The following SLC22A23 variants were observed in gnomAD, a reference collection of about 807,000 sequenced individuals.
SLC22A23 encodes the protein ion transporter protein.
A neutral mutation model predicts 61.0 loss-of-function variants in SLC22A23; 26 were observed. The ratio of observed to expected loss-of-function variants is 0.43; its 90% CI spans 0.31 to 0.59. The LOEUF is 0.59. Ranked by LOEUF, SLC22A23 falls within the 20% of genes least tolerant of loss-of-function variation. SLC22A23 has a pLI of 0.11. For missense variants in SLC22A23, 796 were observed against 934.7 expected, an observed-to-expected ratio of 0.85 and a Z score of 1.94; for synonymous variants, 430 against 413.9, an observed-to-expected ratio of 1.04 and a Z score of -0.47.
At chr6:3,295,226 A>T (rs1022315246) in intron 5 of SLC22A23, among the ~76,000 whole-genome samples, 2 of 152,180 alleles carry the variant, frequency 1.3e-5, no homozygotes, top group Non-Finnish European at 2.9e-5. Flanking sequence ...GGATGAGGGG[A>T]AGCGGGGAGA....
rs1199263829 is a variant in SLC22A23, at chr6:3,322,343, G to A, written c.1082+1491C>T. Among the ~76,000 whole-genome samples the A allele has an allele frequency of 2.6e-5, 4 of 152,204 alleles. No homozygotes were observed. Among genetic ancestry groups the A allele is most frequent in the African/African-American group, 9.6e-5 (4 of 41,454 alleles). The stretch of plus-strand genomic sequence containing the variant: ...CCCAGCGAAGGCTGCCACAAGGGAG[G>A]GGGCAGAAAGACTTCCTTAGGAGAT... On this transcript the variant is annotated intron_variant, in intron 4 of 9. Transcript: ENST00000406686. This position sits in a 1 kb window ranked among gnomAD's most constrained non-coding sequence, Gnocchi z 4.1.
At chr6:3,298,374 A>G (rs2127355659) in intron 4 of SLC22A23, among the ~76,000 whole-genome samples, 156 bp from the exon 5 acceptor site, 1 of 152,326 alleles carries the variant, frequency 6.6e-6, no homozygotes, top group East Asian at 1.9e-4. Flanking sequence ...GTGGGCACTG[A>G]AACGTTCCCA....
intron 3 of SLC22A23, among the ~76,000 whole-genome samples, chr6:3,398,944 C>T (rs1768195761): frequency 6.6e-6 from 1 of 152,104 alleles, no homozygotes; most frequent in Admixed American, 6.5e-5. Context: ...CGGGAAGATC[C>T]TTTGAGGCCA....
intron 1 of SLC22A23, among the ~76,000 whole-genome samples, chr6:3,417,053 G>A (rs1390749827): frequency 6.6e-6 from 1 of 152,150 alleles, no homozygotes; most frequent in East Asian, 1.9e-4. Context: ...CCTGCCTCAT[G>A]TTTCCAAACT....
chr6:3,342,518 G>A lies in SLC22A23; in HGVS notation c.914-18516C>T, dbSNP rs1764206878. Among the ~76,000 whole-genome samples the A allele has an allele frequency of 6.6e-6, 1 of 152,100 alleles. No individual in the cohort carries two copies. Among genetic ancestry groups the A allele is most frequent in the Admixed American group, 6.5e-5 (1 of 15,272 alleles). ...GAAAACAGTGCTTCTCAAAGGTGGG[G>A]CCTCCTTGACCCACAGCATCAGAGT... On this transcript the variant is annotated intron_variant, in intron 3 of 9. Transcript: ENST00000406686. The surrounding 1 kb of genome is among the most constrained non-coding windows in gnomAD (Gnocchi z 4.0).
intron 1 of SLC22A23, among the ~76,000 whole-genome samples, chr6:3,432,836 G>A (rs963643284): frequency 3.9e-5 from 6 of 152,220 alleles, no homozygotes; most frequent in Non-Finnish European, 7.3e-5. Flanking sequence ...GGCAAATCAG[G>A]AGGCCTGGCC....
chr6:3,378,650 CTTTTTTCTTTT>C (rs1432434109), intron 3 of SLC22A23, among the ~76,000 whole-genome samples: 10 of 79,378 alleles, frequency 1.3e-4, no homozygotes, highest in Non-Finnish European at 2.1e-4. Flanking sequence ...TTTTTCTTTT[CTTTTTTCTTTT>C]TTTTTTTTTT....
intron 6 of SLC22A23, among the ~76,000 whole-genome samples, 158 bp downstream of exon 6, chr6:3,289,606 G>C (rs1760380075): frequency 6.6e-6 from 1 of 152,194 alleles, no homozygotes; most frequent in Non-Finnish European, 1.5e-5. Flanking sequence ...TCCGGGAGCG[G>C]GGGAGGTCAA....
Position 3,280,738 on chromosome 6 carries a change from T to C in SLC22A23, c.1703+3114A>G, listed in dbSNP as rs189452664. 3.9e-5 allele frequency among the ~76,000 whole-genome samples: 6 copies of C among 152,244 alleles called. No homozygotes were observed. In the South Asian group the frequency reaches 6.2e-4, roughly 16 times the overall value. ...CTCTCGATCTCCTGACCTCGTGATCTGCCCGCCTCAGCCTCCCAAAGTGCT... is the reference window on the plus strand; with the variant it reads ...CTCTCGATCTCCTGACCTCGTGATCCGCCCGCCTCAGCCTCCCAAAGTGCT... On this transcript the variant is annotated intron_variant, in intron 9 of 9. Coordinates refer to ENST00000406686, the MANE Select transcript of SLC22A23 (RefSeq NM_015482.2).
intron 1 of SLC22A23, among the ~76,000 whole-genome samples, chr6:3,431,020 T>C (rs1297910353): frequency 1.4e-5 from 2 of 147,600 alleles, no homozygotes; most frequent in Non-Finnish European, 3.0e-5. Flanking sequence ...GAGCCGAGAT[T>C]GCATCATTGC....
rs1307533734 is a variant in SLC22A23 at position 3,311,446 on chromosome 6, T to C, written c.1082+12388A>G. ...GCTAAAGTTGAATTAAGTACCAGTT[T>C]GGGGAGTATCTTTAGTTTCTGGCTC... is the stretch of plus-strand genomic sequence containing the variant. On this transcript the variant is annotated intron_variant, in intron 4 of 9. Coordinates refer to ENST00000406686, the MANE Select transcript of SLC22A23 (RefSeq NM_015482.2). Among the ~76,000 whole-genome samples, 3 of 152,234 alleles carry C rather than the reference T, an allele frequency of 2.0e-5. No homozygotes were observed. The East Asian group carries it at 5.8e-4, about 29-fold the overall frequency.
chr6:3,321,380 A>G (rs1187963060), intron 4 of SLC22A23, among the ~76,000 whole-genome samples: 4 of 151,008 alleles, frequency 2.6e-5, no homozygotes, highest in Non-Finnish European at 5.9e-5. Context: ...ACACGTGCAC[A>G]CACATGCACA....
chr6:3,289,391 G>A (rs1196425147), intron 6 of SLC22A23, among the ~76,000 whole-genome samples: 1 of 152,258 alleles, frequency 6.6e-6, no homozygotes, highest in Admixed American at 6.5e-5. Context: ...GCCGGCTACA[G>A]GCAGGGGCCA....
chr6:3,393,072 G>T (rs1581806115), intron 3 of SLC22A23, among the ~76,000 whole-genome samples: 1 of 152,162 alleles, frequency 6.6e-6, no homozygotes, highest in African/African-American at 2.4e-5. Flanking sequence ...AGAGGGTGTG[G>T]TCAAGCTGGG....
At chr6:3,453,059 T>C (rs1772230005) in intron 1 of SLC22A23, among the ~76,000 whole-genome samples, 1 of 152,110 alleles carries the variant, frequency 6.6e-6, no homozygotes, top group Non-Finnish European at 1.5e-5. Flanking sequence ...TATCCATCAA[T>C]CCCCTCTTTG....
At chr6:3,406,238 C>T (rs577246173) in intron 3 of SLC22A23, among the ~76,000 whole-genome samples, 3 of 152,284 alleles carry the variant, frequency 2.0e-5, no homozygotes. Context: ...TCCCACAGGA[C>T]TTACTACATC....
intron 9 of SLC22A23, among the ~76,000 whole-genome samples, chr6:3,276,076 C>T (rs1323460806): frequency 6.6e-6 from 1 of 152,122 alleles, no homozygotes; most frequent in African/African-American, 2.4e-5. Flanking sequence ...AGATTTGGAG[C>T]CTTTTTCTCA....
At chr6:3,420,109 A>G (rs1252208998) in intron 1 of SLC22A23, among the ~76,000 whole-genome samples, 1 of 152,056 alleles carries the variant, frequency 6.6e-6, no homozygotes, top group African/African-American at 2.4e-5. Context: ...TTTTTCCAAG[A>G]CCAGGGACAT....
chr6:3,377,858 C>G (rs952376282), intron 3 of SLC22A23: 3 of 152,332 alleles, frequency 2.0e-5, no homozygotes, highest in African/African-American at 4.8e-5. Flanking sequence ...CTCCAGAGAA[C>G]AGCCGCTGCA....
Sources: allele counts gnomAD v4.1 joint callset (sites outside exome capture counted in the v4.1 genomes callset), GRCh38; gene constraint gnomAD v4.1.1; non-coding constraint Gnocchi (gnomAD v3.1); transcripts MANE v1.5; gene names NCBI Gene and HGNC (gene_info 2026-07-23, HGNC 2026-07-21).